The following BNC2 variants were observed in gnomAD, a reference collection of about 807,000 sequenced individuals.
BNC2 encodes the protein zinc finger protein basonuclin-2.
BNC2 carries 20 observed loss-of-function variants against 76.3 expected under a neutral mutation model. That is an observed-to-expected ratio of 0.26 (90% CI 0.18 to 0.38). The LOEUF (loss-of-function observed/expected upper bound fraction) is 0.38, where lower values mean the gene tolerates loss of function less well. BNC2 is among the 10% of genes least tolerant of loss of function. The pLI, the probability that BNC2 is intolerant of heterozygous loss-of-function variation, is 1.00. For synonymous variants in BNC2, 582 were observed against 514.8 expected (o/e 1.13, Z -1.77); for missense variants, 1,382 against 1,399.8 (o/e 0.99, Z 0.20).
intron 1 of BNC2, among the ~76,000 whole-genome samples, chr9:16,760,154 G>A (rs1450077980): frequency 1.3e-5 from 2 of 152,196 alleles, no homozygotes; most frequent in Non-Finnish European, 2.9e-5. Flanking sequence ...GACCATCTAA[G>A]TATACCACCA....
rs1044970631 is a variant in BNC2 at position 16,414,816 on chromosome 9, G to C, written c.*4173C>G. On this transcript the variant is annotated 3_prime_UTR_variant, in exon 7 of 7. Transcript: ENST00000380672. Reference sequence around the variant, plus strand: ...TTGGCACATATCTGGGGTGTGTACAGAGAAAGGGGAAAAAAAGGTCACATT... The same window carrying C: ...TTGGCACATATCTGGGGTGTGTACACAGAAAGGGGAAAAAAAGGTCACATT... 2 of 151,866 alleles carry C rather than the reference G, an allele frequency of 1.3e-5. No homozygotes were observed. The highest frequency in any genetic ancestry group is 4.8e-5 in the African/African-American group (2 of 41,336). The allele number at this position is 151,866 out of a possible 1,614,324, so 9.4% of individuals were successfully genotyped here. A position where few individuals can be genotyped will look rare whatever the true frequency, so the allele number is the denominator to read the frequency against.
At chr9:16,638,398 AG>A (rs1199240217) in intron 3 of BNC2, among the ~76,000 whole-genome samples, 1 of 152,234 alleles carries the variant, frequency 6.6e-6, no homozygotes, top group Non-Finnish European at 1.5e-5. Flanking sequence ...TGGATAAAAC[AG>A]AAAACTTGGA....
intron 5 of BNC2, among the ~76,000 whole-genome samples, chr9:16,475,507 G>T (rs759964669): frequency 2.6e-5 from 4 of 152,064 alleles, no homozygotes; most frequent in African/African-American, 9.7e-5. Context: ...ACTCAGATTC[G>T]GTATTTGATC....
chr9:16,463,414 A>C (rs1444572197), intron 5 of BNC2, among the ~76,000 whole-genome samples: 1 of 137,338 alleles, frequency 7.3e-6, no homozygotes, highest in Admixed American at 7.6e-5. Flanking sequence ...CTCCTGCCTC[A>C]GCCTCCCAAG....
intron 5 of BNC2, among the ~76,000 whole-genome samples, chr9:16,487,528 T>C (rs1050531988): frequency 2.0e-5 from 3 of 152,230 alleles, no homozygotes; most frequent in African/African-American, 7.2e-5. Context: ...ATTAAATCTT[T>C]ATTCTAAACT....
intron 3 of BNC2, among the ~76,000 whole-genome samples, chr9:16,697,272 C>A (rs1047842129): frequency 6.6e-6 from 1 of 152,168 alleles, no homozygotes. Flanking sequence ...GCAGGAGAAT[C>A]GCTTGAACCA....
chr9:16,716,362 T>C (rs868250985), intron 3 of BNC2, among the ~76,000 whole-genome samples: 3 of 152,196 alleles, frequency 2.0e-5, no homozygotes, highest in Admixed American at 6.5e-5. Flanking sequence ...TGGGTTCAAA[T>C]GACCCAAAAA....
At chr9:16,572,159 T>G (rs1819344387) in intron 4 of BNC2, among the ~76,000 whole-genome samples, 1 of 152,162 alleles carries the variant, frequency 6.6e-6, no homozygotes, top group Non-Finnish European at 1.5e-5. Flanking sequence ...TCACTCAAGA[T>G]CTTATCTTCT....
chr9:16,870,128 T>C (rs1333997343), intron 1 of BNC2, among the ~76,000 whole-genome samples: 1 of 152,102 alleles, frequency 6.6e-6, no homozygotes, highest in African/African-American at 2.4e-5. Flanking sequence ...AGAGTCAACG[T>C]GCCGGGCCCG....
chr9:16,514,041 T>C (rs921055059), intron 5 of BNC2, among the ~76,000 whole-genome samples: 1 of 152,250 alleles, frequency 6.6e-6, no homozygotes. Context: ...TACGTGTGGC[T>C]ATCTCCTGCA....
At chr9:16,758,898 A>G (rs1825471882) in intron 1 of BNC2, among the ~76,000 whole-genome samples, 1 of 111,626 alleles carries the variant, frequency 9.0e-6, no homozygotes, top group South Asian at 3.4e-4. Context: ...ACAGATGTAA[A>G]ATTAAATCAA....
At chr9:16,586,742 G>A (rs1819782938) in intron 3 of BNC2, among the ~76,000 whole-genome samples, 1 of 152,162 alleles carries the variant, frequency 6.6e-6, no homozygotes, top group Non-Finnish European at 1.5e-5. Flanking sequence ...GTGGAGCCAG[G>A]CACTGCCTCT....
chr9:16,615,925 G>A (rs1820683686), intron 3 of BNC2, among the ~76,000 whole-genome samples: 4 of 152,158 alleles, frequency 2.6e-5, no homozygotes, highest in Admixed American at 2.6e-4. Flanking sequence ...AGGAGATTAA[G>A]GAACTTGACT....
At chr9:16,729,986 G>A (rs1026629666) in intron 2 of BNC2, among the ~76,000 whole-genome samples, 2 of 151,446 alleles carry the variant, frequency 1.3e-5, no homozygotes, top group South Asian at 2.1e-4. Flanking sequence ...CCTCTCACTC[G>A]CCCTCTCCTT....
chr9:16,654,045 C>G (rs1304767319), intron 3 of BNC2, among the ~76,000 whole-genome samples: 1 of 152,104 alleles, frequency 6.6e-6, no homozygotes, highest in African/African-American at 2.4e-5. Context: ...CACCTACAAG[C>G]GCAGTCTGCA....
intron 3 of BNC2, among the ~76,000 whole-genome samples, chr9:16,680,303 G>A (rs1355348331): frequency 2.6e-5 from 4 of 151,820 alleles, no homozygotes; most frequent in African/African-American, 7.3e-5. Context: ...TTTCTATGTT[G>A]ATTCTGATGT....
At chr9:16,684,325 C>T (rs930170940) in intron 3 of BNC2, among the ~76,000 whole-genome samples, 6 of 152,190 alleles carry the variant, frequency 3.9e-5, no homozygotes, top group African/African-American at 1.4e-4. Flanking sequence ...CTTTCTAGAA[C>T]TAGGAAATAC....
At chr9:16,503,889 A>G (rs1331754599) in intron 5 of BNC2, among the ~76,000 whole-genome samples, 1 of 152,198 alleles carries the variant, frequency 6.6e-6, no homozygotes, top group Non-Finnish European at 1.5e-5. Flanking sequence ...CCCATTAAAC[A>G]TATTTATGGT....
intron 5 of BNC2, among the ~76,000 whole-genome samples, chr9:16,537,189 A>AAAAT (rs1248080128): frequency 6.6e-6 from 1 of 152,158 alleles, no homozygotes; most frequent in African/African-American, 2.4e-5. Flanking sequence ...ATTCTGCAGG[A>AAAAT]AAATATGCTT....
Sources: gnomAD v4.1 joint callset for allele counts (sites outside exome capture counted in the v4.1 genomes callset) on GRCh38, gnomAD v4.1.1 for gene constraint, MANE v1.5 for transcripts, NCBI Gene and HGNC (gene_info 2026-07-23, HGNC 2026-07-21) for gene names.